The following PARD3B variants were observed in gnomAD, a reference collection of about 807,000 sequenced individuals.
PARD3B encodes par-3 family cell polarity regulator beta, also known as partitioning defective 3 homolog B.
PARD3B carries 103 observed loss-of-function variants against 130.2 expected under a neutral mutation model. That is an observed-to-expected ratio of 0.79 (90% CI 0.67 to 0.93). The LOEUF is 0.93. Ranked by LOEUF, PARD3B falls within the 40% of genes least tolerant of loss-of-function variation. PARD3B has a pLI of 0.00. For missense variants in PARD3B, 1,609 were observed against 1,499.2 expected, an observed-to-expected ratio of 1.07 and a Z score of -1.21; for synonymous variants, 583 against 553.2, an observed-to-expected ratio of 1.05 and a Z score of -0.76.
At chr2:204,628,349 T>C (rs2034558344) in intron 1 of PARD3B, among the ~76,000 whole-genome samples, 2 of 152,086 alleles carry the variant, frequency 1.3e-5, no homozygotes, top group Non-Finnish European at 2.9e-5. Flanking sequence ...AAGGGAAGTT[T>C]GTGATAATAT....
chr2:205,275,912 TTCATA>T (rs1422162252), intron 16 of PARD3B, among the ~76,000 whole-genome samples: 1 of 151,970 alleles, frequency 6.6e-6, no homozygotes, highest in Non-Finnish European at 1.5e-5. Context: ...CAGGGATCTT[TTCATA>T]TCAATATCAA....
intron 2 of PARD3B, among the ~76,000 whole-genome samples, chr2:204,750,640 A>C (rs1001358596): frequency 6.6e-6 from 1 of 152,068 alleles, no homozygotes; most frequent in South Asian, 2.1e-4. Context: ...ATACACACAC[A>C]CATACATACA....
At chr2:205,017,492 A>G (rs532344284) in intron 3 of PARD3B, among the ~76,000 whole-genome samples, 2 of 152,198 alleles carry the variant, frequency 1.3e-5, no homozygotes, top group East Asian at 3.9e-4. Context: ...CAGAGTAACC[A>G]TTCCCTGACC....
At chr2:205,344,140 C>A (rs1317435770) in intron 18 of PARD3B, among the ~76,000 whole-genome samples, 3 of 151,042 alleles carry the variant, frequency 2.0e-5, no homozygotes, top group Non-Finnish European at 4.4e-5. Flanking sequence ...TATATTTTAT[C>A]ATGGGAGATG....
chr2:204,892,546 C>T (rs1249116206), intron 2 of PARD3B, among the ~76,000 whole-genome samples: 3 of 151,944 alleles, frequency 2.0e-5, no homozygotes, highest in South Asian at 2.1e-4. Flanking sequence ...TTGAAGATGT[C>T]GTATGAAAAC....
chr2:204,625,808 T>C (rs1177237576), intron 1 of PARD3B, among the ~76,000 whole-genome samples: 2 of 152,186 alleles, frequency 1.3e-5, no homozygotes, highest in Non-Finnish European at 2.9e-5. Context: ...TAATGAAAAT[T>C]CCTTCCTTTT....
chr2:204,752,370 C>G (rs138903425), intron 2 of PARD3B, among the ~76,000 whole-genome samples: 3 of 152,072 alleles, frequency 2.0e-5, no homozygotes, highest in Non-Finnish European at 4.4e-5. Flanking sequence ...TAAGTAAGCC[C>G]TCTGAAGTGT....
intron 4 of PARD3B, among the ~76,000 whole-genome samples, chr2:205,079,319 C>G (rs1374313348): frequency 6.6e-6 from 1 of 152,186 alleles, no homozygotes; most frequent in Non-Finnish European, 1.5e-5. Flanking sequence ...ATACCCGAGA[C>G]TAGGTAATTT....
intron 18 of PARD3B, among the ~76,000 whole-genome samples, chr2:205,332,946 T>G (rs1216350516): frequency 6.6e-6 from 1 of 152,276 alleles, no homozygotes; most frequent in Non-Finnish European, 1.5e-5. Context: ...TTAGCTGTTA[T>G]ATAGCAGAGC....
At chr2:205,007,086 A>G (rs561446235) in intron 3 of PARD3B, among the ~76,000 whole-genome samples, 1 of 152,234 alleles carries the variant, frequency 6.6e-6, no homozygotes, top group East Asian at 1.9e-4. Context: ...AGTTTCCCTC[A>G]TGCTGTTCTC....
At chr2:205,090,128 G>A (rs995261219) in intron 4 of PARD3B, among the ~76,000 whole-genome samples, 3 of 152,224 alleles carry the variant, frequency 2.0e-5, no homozygotes, top group Non-Finnish European at 2.9e-5. Flanking sequence ...CTGTCAGGAA[G>A]CATGTGCTTT....
rs994597699 is a variant in PARD3B, at chr2:205,265,756, A to G, written c.2185+19934A>G. On this transcript the variant is annotated intron_variant, in intron 16 of 22. Coordinates refer to ENST00000406610, the MANE Select transcript of PARD3B (RefSeq NM_001302769.2). This position sits in a 1 kb window ranked among gnomAD's most constrained non-coding sequence, Gnocchi z 4.3. ...ATTTATTAGGTGCAAGTTACATGCTATTGTAGTAAAGTTAAAAGATTATTC... is the reference window on the plus strand; with the variant it reads ...ATTTATTAGGTGCAAGTTACATGCTGTTGTAGTAAAGTTAAAAGATTATTC... 1.3e-5 allele frequency among the ~76,000 whole-genome samples: 2 copies of G among 152,026 alleles called. No homozygotes were observed. The highest frequency in any genetic ancestry group is 4.8e-5 in the African/African-American group (2 of 41,446).
At chr2:205,317,300 T>C (rs1268705474) in intron 18 of PARD3B, among the ~76,000 whole-genome samples, 1 of 152,166 alleles carries the variant, frequency 6.6e-6, no homozygotes. Flanking sequence ...TAAATTATCA[T>C]CATGGTCATC....
intron 21 of PARD3B, among the ~76,000 whole-genome samples, chr2:205,552,322 T>A (rs1376149605): frequency 3.3e-5 from 5 of 152,066 alleles, no homozygotes; most frequent in Non-Finnish European, 5.9e-5. Flanking sequence ...GGGGGCATCA[T>A]GGATGCTGTG....
intron 2 of PARD3B, among the ~76,000 whole-genome samples, chr2:204,864,182 G>A (rs551501427): frequency 3.3e-5 from 5 of 152,156 alleles, no homozygotes; most frequent in South Asian, 2.1e-4. Context: ...CTCCTAAGCC[G>A]TTCCTGTACT....
chr2:205,174,886 A>T (rs1485269622), intron 12 of PARD3B, among the ~76,000 whole-genome samples: 1 of 152,226 alleles, frequency 6.6e-6, no homozygotes, highest in Non-Finnish European at 1.5e-5. Context: ...ATTGTTTTAA[A>T]CAGAAACATA....
At chr2:204,912,434 C>A (rs1366005637) in intron 2 of PARD3B, among the ~76,000 whole-genome samples, 1 of 152,112 alleles carries the variant, frequency 6.6e-6, no homozygotes, top group Non-Finnish European at 1.5e-5. Flanking sequence ...ATTTACAGAT[C>A]ATTTATATGT....
At chr2:205,053,538 G>A (rs955520131) in intron 4 of PARD3B, among the ~76,000 whole-genome samples, 2 of 151,802 alleles carry the variant, frequency 1.3e-5, no homozygotes, top group Admixed American at 6.6e-5. Flanking sequence ...CACTTGAGAG[G>A]CTGAGGCAGG....
At chr2:204,559,113 A>G (rs1332697964) in intron 1 of PARD3B, among the ~76,000 whole-genome samples, 2 of 152,236 alleles carry the variant, frequency 1.3e-5, no homozygotes, top group African/African-American at 4.8e-5. Flanking sequence ...AGGCAATACC[A>G]TTCAGGACAT....
Sources: allele counts gnomAD v4.1 joint callset (sites outside exome capture counted in the v4.1 genomes callset), GRCh38; gene constraint gnomAD v4.1.1; non-coding constraint Gnocchi (gnomAD v3.1); transcripts MANE v1.5; gene names NCBI Gene and HGNC (gene_info 2026-07-23, HGNC 2026-07-21).